The following CFAP46 variants were observed in gnomAD, a reference collection of about 807,000 sequenced individuals.
CFAP46 encodes the protein cilia and flagella associated protein 46.
In CFAP46, 245 loss-of-function variants were observed where a neutral mutation model predicts 325.7. The observed-to-expected ratio is 0.75, with a 90% CI of 0.68 to 0.84. The LOEUF (loss-of-function observed/expected upper bound fraction) is 0.84. Ranked by LOEUF, CFAP46 falls within the 40% of genes least tolerant of loss-of-function variation. The pLI, the probability that CFAP46 is intolerant of heterozygous loss-of-function variation, is 0.00. For synonymous variants in CFAP46, 1,523 were observed against 1,495.9 expected (o/e 1.02, Z -0.42); for missense variants, 3,346 against 3,543.0 (o/e 0.94, Z 1.41).
rs116200630 is a variant in CFAP46, at chr10:132,879,649, C to T, written c.3800-18G>A. 9.8e-4 allele frequency: 1,463 copies of T among 1,491,574 alleles called. 15 individuals carry two copies. The African/African-American group carries it at 0.018, about 18-fold the overall frequency. 92.4% of individuals were successfully genotyped at this position (1,491,574 alleles called of 1,614,324 possible). On this transcript the variant is annotated intron_variant, in intron 28 of 57. Transcript: ENST00000368586. ...GTACTCCCCTGAAACACGGGGTGCC[C>T]GAGGCTGAGAGCAGGCCCGGCTACG...
chr10:132,820,573 G>A (rs1265582847), intron 50 of CFAP46, among the ~76,000 whole-genome samples: 1 of 148,088 alleles, frequency 6.8e-6, no homozygotes, highest in South Asian at 2.2e-4. Flanking sequence ...TGTGCTGTGT[G>A]TGCGCTGATG....
rs544023876 is a variant in CFAP46 at position 132,881,001 on chromosome 10, T to G, written c.3659A>C (p.Tyr1220Ser). Residue 1220 changes from tyrosine to serine, a missense_variant, in exon 28 of 58, where the codon TAC (tyrosine) becomes TCC (serine). By Grantham distance (144) the Tyr-to-Ser change is moderately radical. Transcript: ENST00000368586. The stretch of plus-strand genomic sequence containing the variant: ...GAGCCACTGGCCGAACTCCATGAGG[T>G]ACTCCACCTTCTGCCACTCCATCTC... ...KPEMEWQKVE[Y>S]LMEFGQWLHH... is the part of the protein sequence containing the mutation. The G allele has an allele frequency of 9.7e-6, 15 of 1,550,454 alleles. No individual in the cohort carries two copies. In the African/African-American group the frequency reaches 1.8e-4, roughly 18 times the overall value.
chr10:132,897,638 GGGTTGGCA>G (rs1280445647), intron 24 of CFAP46, among the ~76,000 whole-genome samples: 7 of 152,056 alleles, frequency 4.6e-5, no homozygotes, highest in Admixed American at 1.3e-4. Flanking sequence ...GGCCATGTGT[GGGTTGGCA>G]GGTTGGCAGG....
intron 34 of CFAP46, among the ~76,000 whole-genome samples, chr10:132,867,109 CACAA>C (rs568260915): frequency 1.8e-3 from 277 of 152,062 alleles, no homozygotes; most frequent in South Asian, 7.9e-3. Flanking sequence ...GCCAGCCCCA[CACAA>C]ACAGACACAC....
intron 55 of CFAP46, among the ~76,000 whole-genome samples, chr10:132,811,651 C>T (rs1489143145): frequency 2.0e-5 from 3 of 152,188 alleles, no homozygotes; most frequent in African/African-American, 2.4e-5. Context: ...TGTCCAGCTG[C>T]GTGAGGCCGA....
chr10:132,901,169 T>C (rs1849387642), intron 22 of CFAP46, among the ~76,000 whole-genome samples: 1 of 152,216 alleles, frequency 6.6e-6, no homozygotes, highest in African/African-American at 2.4e-5. Flanking sequence ...TGTATCTGTG[T>C]CTTTACATTT....
chr10:132,834,189 C>A, intron 48 of CFAP46, 66 bp from the exon 49 acceptor site: 1 of 1,431,284 alleles, frequency 7.0e-7, no homozygotes, highest in South Asian at 1.2e-5. Flanking sequence ...ATATAGGCGA[C>A]ACCTGCTCAG....
At chr10:132,853,459 T>C (rs1169004366) in intron 39 of CFAP46, among the ~76,000 whole-genome samples, 5 of 152,258 alleles carry the variant, frequency 3.3e-5, no homozygotes, top group East Asian at 1.9e-4. Flanking sequence ...TCACAAGGAA[T>C]GCTGGTCAGT....
intron 21 of CFAP46, among the ~76,000 whole-genome samples, chr10:132,908,915 G>A (rs34098098): frequency 0.35 from 53,439 of 152,086 alleles, 9,769 homozygotes; most frequent in Admixed American, 0.49. Context: ...TGGAGGGTCC[G>A]CTCAAACAGC....
Position 132,834,109 on chromosome 10 carries a change from G to C in CFAP46, c.6881C>G (p.Ala2294Gly). Residue 2294 changes from alanine (A) to glycine (G), a missense_variant, in exon 49 of 58, where the codon GCG becomes GGG. Physicochemically the swap from Ala to Gly is moderately conservative, Grantham distance 60 (BLOSUM62 0). Coordinates refer to ENST00000368586, the MANE Select transcript of CFAP46 (RefSeq NM_001200049.3). The stretch of plus-strand genomic sequence containing the variant: ...CGACTTCCCTGAATCGGCAACAACC[G>C]CAGGTGTCTGCACTCTGAAAGTCAG... ...SLSKARVQTP[A>G]VVADSGKSKG... 1 of 1,613,986 alleles carries C rather than the reference G, an allele frequency of 6.2e-7. No individual in the cohort carries two copies. Among genetic ancestry groups the C allele is most frequent in the Non-Finnish European group, 8.5e-7 (1 of 1,179,936 alleles).
intron 50 of CFAP46, among the ~76,000 whole-genome samples, chr10:132,822,928 CTGA>C (rs1351656645): frequency 4.2e-5 from 5 of 117,702 alleles, no homozygotes; most frequent in South Asian, 5.9e-4. Flanking sequence ...CTGATGTGTG[CTGA>C]TGTGTGCACT....
At chr10:132,821,245 TGTGTGCTGTGTGA>T (rs1847811940) in intron 50 of CFAP46, among the ~76,000 whole-genome samples, 1 of 97,280 alleles carries the variant, frequency 1.0e-5, no homozygotes, top group Non-Finnish European at 2.3e-5. Context: ...GTGTGCTGTG[TGTGTGCTGTGTGA>T]GCGCTGATGT....
rs1263095529 is a variant in CFAP46 at position 132,814,927 on chromosome 10, A to G, written c.7118-13T>C. On this transcript the variant is annotated splice_polypyrimidine_tract_variant and intron_variant, in intron 50 of 57. Coordinates refer to ENST00000368586, the MANE Select transcript of CFAP46 (RefSeq NM_001200049.3). ...TTCACGCCACCTTCTGTTGAAGACA[A>G]GAAAGAGGCAGGGATGTTTGGCAGC... 10 of 1,613,902 alleles carry G rather than the reference A, an allele frequency of 6.2e-6. No homozygotes were observed. The highest frequency in any genetic ancestry group is 8.5e-6 in the Non-Finnish European group (10 of 1,179,820).
At chr10:132,887,621 CTT>C (rs1157728903) in intron 25 of CFAP46, among the ~76,000 whole-genome samples, 1 of 73,264 alleles carries the variant, frequency 1.4e-5, no homozygotes, top group African/African-American at 5.3e-5. Flanking sequence ...CCTCTCTCCT[CTT>C]CTCTCCTCTC....
Position 132,832,479 on chromosome 10 carries a change from C to T in CFAP46, c.7117+879G>A, listed in dbSNP as rs1278116070. 5.2e-6 allele frequency: 1 copy of T among 192,526 alleles called. No homozygotes were observed. Among genetic ancestry groups the T allele is most frequent in the Non-Finnish European group, 1.1e-5 (1 of 91,458 alleles). 11.9% of individuals were successfully genotyped at this position (192,526 alleles called of 1,614,324 possible). ...CTCGCCAGCCAAACCCCCTTCGAGG[C>T]CCCCCGTCCTGCGCGGACTGCTCGT... On this transcript the variant is annotated intron_variant, in intron 50 of 57. Coordinates refer to ENST00000368586, the MANE Select transcript of CFAP46 (RefSeq NM_001200049.3). The surrounding 1 kb of genome is among the most constrained non-coding windows in gnomAD (Gnocchi z 4.1).
intron 27 of CFAP46, among the ~76,000 whole-genome samples, chr10:132,881,590 C>T (rs1849043300): frequency 6.6e-6 from 1 of 152,094 alleles, no homozygotes; most frequent in Non-Finnish European, 1.5e-5. Context: ...GAGCCTCAGC[C>T]CTGAGAGCCA....
At chr10:132,864,434 AG>A (rs1848776785) in intron 35 of CFAP46, among the ~76,000 whole-genome samples, 1 of 67,838 alleles carries the variant, frequency 1.5e-5, no homozygotes, top group Non-Finnish European at 2.8e-5. Flanking sequence ...ACCTGTCCCC[AG>A]TGCCTGAGAC....
At chr10:132,833,811 A>G (rs1591042090) in intron 49 of CFAP46, among the ~76,000 whole-genome samples, 1 of 152,250 alleles carries the variant, frequency 6.6e-6, no homozygotes. Context: ...TGGTGCTCTC[A>G]GGAGGCTTGG....
intron 7 of CFAP46, among the ~76,000 whole-genome samples, chr10:132,935,601 C>T (rs1849986145): frequency 7.2e-6 from 1 of 138,876 alleles, no homozygotes; most frequent in African/African-American, 2.9e-5. Context: ...CCACTGTGAT[C>T]TCCTCGCTCC....
Sources: gnomAD v4.1 joint callset for allele counts (sites outside exome capture counted in the v4.1 genomes callset) on GRCh38, gnomAD v4.1.1 for gene constraint, Gnocchi (gnomAD v3.1) non-coding constraint, MANE v1.5 for transcripts, NCBI Gene and HGNC (gene_info 2026-07-23, HGNC 2026-07-21) for gene names.